The following FOXO3 variants were observed in gnomAD, a reference collection of about 807,000 sequenced individuals.
FOXO3 encodes the protein forkhead box protein O3.
A neutral mutation model predicts 41.9 loss-of-function variants in FOXO3; 4 were observed. That is an observed-to-expected ratio of 0.10 (90% CI 0.05 to 0.22). The LOEUF (loss-of-function observed/expected upper bound fraction) is 0.22. Ranked by LOEUF, FOXO3 falls within the 10% of genes least tolerant of loss-of-function variation. FOXO3 has a pLI of 1.00. For synonymous variants in FOXO3, 318 were observed against 389.3 expected, an observed-to-expected ratio of 0.82 and a Z score of 2.16; for missense variants, 534 against 906.8, an observed-to-expected ratio of 0.59 and a Z score of 5.28.
chr6:108,649,857 G>T (rs71558326), intron 1 of FOXO3, among the ~76,000 whole-genome samples: 26,872 of 152,014 alleles, frequency 0.18, 2,921 homozygotes, highest in Non-Finnish European at 0.24. Flanking sequence ...CGTTTGTTGT[G>T]TGTTACTTTG....
chr6:108,669,930 C>A (rs1021972975), intron 2 of FOXO3, among the ~76,000 whole-genome samples: 4 of 152,270 alleles, frequency 2.6e-5, no homozygotes, highest in Non-Finnish European at 4.4e-5. Context: ...TCATGTAGAA[C>A]ACAAACAGGG....
intron 2 of FOXO3, among the ~76,000 whole-genome samples, chr6:108,671,140 T>A (rs1274033240): frequency 6.6e-6 from 1 of 152,200 alleles, no homozygotes; most frequent in African/African-American, 2.4e-5. Context: ...CACCCCTGCA[T>A]TCAGGGGTTC....
chr6:108,614,452 C>T (rs937937769), intron 1 of FOXO3, among the ~76,000 whole-genome samples: 1 of 152,086 alleles, frequency 6.6e-6, no homozygotes, highest in Admixed American at 6.5e-5. Context: ...TACATTGACT[C>T]TTCTATTATG....
At chr6:108,626,293 G>A (rs747378590) in intron 1 of FOXO3, among the ~76,000 whole-genome samples, 5 of 152,170 alleles carry the variant, frequency 3.3e-5, no homozygotes, top group African/African-American at 4.8e-5. Context: ...ACTGACTGCC[G>A]GACTCAGAGT....
chr6:108,684,542 C>T lies in FOXO3; in HGVS notation c.*4750C>T, dbSNP rs1770991081. ...CGAACACTATCATATGGCATTCTTA[C>T]TGAGGATTTTGTCTAACCATATGTT... is the stretch of plus-strand genomic sequence containing the variant. On this transcript the variant is annotated 3_prime_UTR_variant, in exon 3 of 3. Coordinates refer to ENST00000406360, the MANE Select transcript of FOXO3 (RefSeq NM_001455.4). 1 of 152,568 alleles carries T rather than the reference C, an allele frequency of 6.6e-6. No individual in the cohort carries two copies. The highest frequency in any genetic ancestry group is 2.4e-5 in the African/African-American group (1 of 41,432). The allele number at this position is 152,568 out of a possible 1,614,324, so 9.5% of individuals were successfully genotyped here. A position where few individuals can be genotyped will look rare whatever the true frequency, so the allele number is the denominator to read the frequency against.
intron 1 of FOXO3, among the ~76,000 whole-genome samples, chr6:108,632,154 A>C (rs1236511599): frequency 1.3e-5 from 2 of 152,230 alleles, no homozygotes; most frequent in Non-Finnish European, 2.9e-5. Context: ...TTAAGTAAAA[A>C]TAAAAAATAT....
chr6:108,673,173 C>T (rs1285256146), intron 2 of FOXO3, among the ~76,000 whole-genome samples: 2 of 152,214 alleles, frequency 1.3e-5, no homozygotes, highest in East Asian at 1.9e-4. Context: ...GCCTGCCCAC[C>T]GAGTAACAAA....
rs1203023453 is a variant in FOXO3, at chr6:108,561,706, C to A, written c.498C>A (p.Ile166=). The A allele has an allele frequency of 1.2e-6, 2 of 1,612,212 alleles. No individual in the cohort carries two copies. The highest frequency in any genetic ancestry group is 1.7e-6 in the Non-Finnish European group (2 of 1,179,492). The stretch of plus-strand genomic sequence containing the variant: ...GAAACCTGTCCTACGCGGACCTGAT[C>A]ACCCGCGCCATCGAGAGCTCCCCGG... ...AWGNLSYADL[I]TRAIESSPDK... Residue 166 remains isoleucine, a synonymous_variant, in exon 1 of 3, where the codon ATC becomes ATA. Transcript: ENST00000406360.
At chr6:108,651,020 A>G (rs997988928) in intron 1 of FOXO3, among the ~76,000 whole-genome samples, 1 of 152,200 alleles carries the variant, frequency 6.6e-6, no homozygotes, top group African/African-American at 2.4e-5. Flanking sequence ...TGAAATACTG[A>G]ATATGCAGAT....
intron 1 of FOXO3, among the ~76,000 whole-genome samples, chr6:108,570,499 G>GT (rs974971435): frequency 7.3e-5 from 11 of 151,580 alleles, no homozygotes; most frequent in South Asian, 2.1e-4. Context: ...CTAATTTTAT[G>GT]TTTTTTTTGT....
chr6:108,587,171 A>T (rs1038841098), intron 1 of FOXO3, among the ~76,000 whole-genome samples: 9 of 151,980 alleles, frequency 5.9e-5, no homozygotes, highest in African/African-American at 1.9e-4. Context: ...TGACTGGTTC[A>T]GTTGGTATTT....
intron 1 of FOXO3, among the ~76,000 whole-genome samples, chr6:108,637,856 C>T (rs1409760452): frequency 2.6e-5 from 4 of 152,008 alleles, no homozygotes; most frequent in Non-Finnish European, 5.9e-5. Context: ...TAGAAGGTAG[C>T]CATTTATCAA....
intron 1 of FOXO3, among the ~76,000 whole-genome samples, chr6:108,617,037 C>T (rs911271588): frequency 6.6e-6 from 1 of 152,130 alleles, no homozygotes; most frequent in Non-Finnish European, 1.5e-5. Context: ...AGTTGCTGGG[C>T]ATTTGAATTG....
chr6:108,639,442 G>A (rs1211813226), intron 1 of FOXO3: 2 of 518,378 alleles, frequency 3.9e-6, no homozygotes, highest in Non-Finnish European at 5.0e-6. Flanking sequence ...ACATTGGACA[G>A]AAATGAAAGA....
intron 1 of FOXO3, among the ~76,000 whole-genome samples, chr6:108,622,828 T>C (rs1777705674): frequency 6.6e-6 from 1 of 151,900 alleles, no homozygotes; most frequent in Non-Finnish European, 1.5e-5. Flanking sequence ...TCATTTTGCA[T>C]GATGTCTGCA....
At chr6:108,665,892 G>T (rs1054316779) in intron 2 of FOXO3, among the ~76,000 whole-genome samples, 2 of 151,330 alleles carry the variant, frequency 1.3e-5, no homozygotes, top group African/African-American at 4.9e-5. Flanking sequence ...GTGTGCTTCT[G>T]CTTGTTCACC....
At chr6:108,601,428 C>T (rs1055489351) in intron 1 of FOXO3, among the ~76,000 whole-genome samples, 13 of 152,090 alleles carry the variant, frequency 8.5e-5, no homozygotes, top group African/African-American at 2.4e-4. Context: ...CTCACCCTCC[C>T]GAGTAGCTGG....
At chr6:108,634,239 C>T (rs1177569080) in intron 1 of FOXO3, among the ~76,000 whole-genome samples, 3 of 152,016 alleles carry the variant, frequency 2.0e-5, no homozygotes, top group Non-Finnish European at 2.9e-5. Flanking sequence ...GACGTGTGTG[C>T]GTGTGAATTT....
chr6:108,612,125 T>G (rs1384194580), intron 1 of FOXO3, among the ~76,000 whole-genome samples: 1 of 152,236 alleles, frequency 6.6e-6, no homozygotes, highest in East Asian at 1.9e-4. Context: ...TCATCTTTAA[T>G]TTCTCTCAGC....
Sources: gnomAD v4.1 joint callset for allele counts (sites outside exome capture counted in the v4.1 genomes callset) on GRCh38, gnomAD v4.1.1 for gene constraint, MANE v1.5 for transcripts, NCBI Gene and HGNC (gene_info 2026-07-23, HGNC 2026-07-21) for gene names.